The following RPS6KC1 variants were observed in gnomAD, a reference collection of about 807,000 sequenced individuals.
RPS6KC1 encodes the protein inactive ribosomal protein S6 kinase delta-1.
RPS6KC1 carries 54 observed loss-of-function variants against 103.8 expected under a neutral mutation model. The observed-to-expected ratio is 0.52, with a 90% CI of 0.42 to 0.65. The LOEUF (loss-of-function observed/expected upper bound fraction) is 0.65, where lower values mean the gene tolerates loss of function less well. Ranked by LOEUF, RPS6KC1 falls within the 30% of genes least tolerant of loss-of-function variation. The probability of loss-of-function intolerance (pLI) is 0.00; values close to 1 mark genes in which losing one functional copy is unlikely to be tolerated. For missense variants in RPS6KC1, 1,151 were observed against 1,253.8 expected, an observed-to-expected ratio of 0.92 and a Z score of 1.24; for synonymous variants, 439 against 438.7, an observed-to-expected ratio of 1.00 and a Z score of -0.01.
At chr1:213,240,206 T>G (rs2094319299) in intron 10 of RPS6KC1, among the ~76,000 whole-genome samples, 1 of 152,130 alleles carries the variant, frequency 6.6e-6, no homozygotes, top group Admixed American at 6.6e-5. Context: ...GCCAAATTCC[T>G]CCAATCCTGG....
chr1:213,140,049 A>G (rs1308154798), intron 6 of RPS6KC1, among the ~76,000 whole-genome samples: 1 of 151,874 alleles, frequency 6.6e-6, no homozygotes. Context: ...CATTGTAGAG[A>G]TCGTTTACCT....
chr1:213,767,691 C>T, the RPS6KC1 span, among the ~76,000 whole-genome samples: 1 of 152,204 alleles, frequency 6.6e-6, no homozygotes, highest in African/African-American at 2.4e-5. Context: ...AAAGTAATGA[C>T]ATACCTTCAG....
chr1:213,316,802 T>C, the RPS6KC1 span, among the ~76,000 whole-genome samples: 2 of 151,640 alleles, frequency 1.3e-5, no homozygotes, highest in African/African-American at 4.8e-5. Context: ...AATGTGACAT[T>C]GGAGTAGACA....
At chr1:213,629,466 C>T in the RPS6KC1 span, among the ~76,000 whole-genome samples, 1 of 152,106 alleles carries the variant, frequency 6.6e-6, no homozygotes, top group Non-Finnish European at 1.5e-5. Flanking sequence ...TTATTTTGAG[C>T]CTATGTGTGT....
chr1:213,354,097 T>G, the RPS6KC1 span, among the ~76,000 whole-genome samples: 2 of 152,236 alleles, frequency 1.3e-5, no homozygotes, highest in Admixed American at 6.5e-5. Context: ...GACCCTTACC[T>G]GTCTTGGCAC....
the RPS6KC1 span, among the ~76,000 whole-genome samples, chr1:213,828,620 G>A: frequency 6.6e-6 from 1 of 152,130 alleles, no homozygotes; most frequent in Non-Finnish European, 1.5e-5. Context: ...TGGCTACGTG[G>A]CATTGGAATT....
At chr1:213,270,836 A>G (rs770898832) in intron 14 of RPS6KC1, among the ~76,000 whole-genome samples, 3 of 152,238 alleles carry the variant, frequency 2.0e-5, no homozygotes, top group Non-Finnish European at 4.4e-5. Flanking sequence ...ACATGAAAAG[A>G]TGCTCAACAT....
chr1:213,201,551 C>T lies in RPS6KC1; in HGVS notation c.1044+25059C>T, dbSNP rs1230165754. 2.0e-5 allele frequency among the ~76,000 whole-genome samples: 3 copies of T among 152,166 alleles called. No individual in the cohort carries two copies. In the East Asian group the frequency reaches 5.8e-4, roughly 29 times the overall value. Reference sequence around the variant, plus strand: ...TTGTCCAAATCTATAGAACATACTACAGCAAGATAGAACCCTAATAGAAAC... The same window carrying T: ...TTGTCCAAATCTATAGAACATACTATAGCAAGATAGAACCCTAATAGAAAC... On this transcript the variant is annotated intron_variant, in intron 8 of 14. Transcript: ENST00000366960.
chr1:213,099,503 T>C (rs1371193569), intron 3 of RPS6KC1, among the ~76,000 whole-genome samples: 2 of 152,192 alleles, frequency 1.3e-5, no homozygotes, highest in Non-Finnish European at 2.9e-5. Context: ...CAGTATTTGT[T>C]TACATTTTGT....
intron 14 of RPS6KC1, among the ~76,000 whole-genome samples, chr1:213,264,614 A>G (rs539585466): frequency 6.6e-6 from 1 of 152,316 alleles, no homozygotes; most frequent in Non-Finnish European, 1.5e-5. Context: ...TATAGCTTAT[A>G]TAGTAAATCA....
chr1:213,827,634 G>A, the RPS6KC1 span, among the ~76,000 whole-genome samples: 4 of 152,154 alleles, frequency 2.6e-5, no homozygotes, highest in East Asian at 7.7e-4. Flanking sequence ...TTCTGATGTA[G>A]GTGATGCATT....
chr1:213,580,096 T>C, the RPS6KC1 span, among the ~76,000 whole-genome samples: 1 of 152,094 alleles, frequency 6.6e-6, no homozygotes, highest in African/African-American at 2.4e-5. Flanking sequence ...CTGATGGCTC[T>C]GGGCAAAATA....
the RPS6KC1 span, among the ~76,000 whole-genome samples, chr1:213,520,300 AAG>A: frequency 6.6e-6 from 1 of 152,192 alleles, no homozygotes; most frequent in African/African-American, 2.4e-5. Context: ...AGCAGGCAAA[AAG>A]AGAGAATGAG....
chr1:213,414,276 T>C, the RPS6KC1 span, among the ~76,000 whole-genome samples: 1 of 152,216 alleles, frequency 6.6e-6, no homozygotes, highest in South Asian at 2.1e-4. Flanking sequence ...GTGGATTGAA[T>C]AGTGTCCTCC....
At chr1:213,209,064 C>A (rs922153459) in intron 8 of RPS6KC1, among the ~76,000 whole-genome samples, 1 of 151,862 alleles carries the variant, frequency 6.6e-6, no homozygotes, top group Non-Finnish European at 1.5e-5. Context: ...AAGACCACAC[C>A]ACAACATACT....
intron 6 of RPS6KC1, among the ~76,000 whole-genome samples, chr1:213,132,809 A>G (rs147984533): frequency 2.0e-5 from 3 of 152,334 alleles, no homozygotes; most frequent in Non-Finnish European, 2.9e-5. Flanking sequence ...TACAGAGAAA[A>G]TAATCTTTCA....
chr1:213,150,710 C>A (rs2147890804), intron 6 of RPS6KC1, among the ~76,000 whole-genome samples: 1 of 152,312 alleles, frequency 6.6e-6, no homozygotes, highest in Non-Finnish European at 1.5e-5. Flanking sequence ...CCCATGTCTA[C>A]TTCTTTCTAC....
chr1:213,087,612 A>G (rs1357734284), intron 3 of RPS6KC1, among the ~76,000 whole-genome samples: 1 of 152,232 alleles, frequency 6.6e-6, no homozygotes. Flanking sequence ...TCCTTCTTCC[A>G]GTATCCTATG....
At chr1:213,857,486 C>T in the RPS6KC1 span, among the ~76,000 whole-genome samples, 9 of 152,242 alleles carry the variant, frequency 5.9e-5, no homozygotes, top group East Asian at 3.9e-4. Flanking sequence ...TGCAACCAGA[C>T]GGCAGATCAT....
Sources: gnomAD v4.1 joint callset for allele counts (sites outside exome capture counted in the v4.1 genomes callset) on GRCh38, gnomAD v4.1.1 for gene constraint, MANE v1.5 for transcripts, NCBI Gene and HGNC (gene_info 2026-07-23, HGNC 2026-07-21) for gene names.